Variants in CNGB1 observed in about 807,000 individuals in gnomAD.
CNGB1 encodes the protein cyclic nucleotide-gated channel beta-1.
A neutral mutation model predicts 151.7 loss-of-function variants in CNGB1; 126 were observed. The ratio of observed to expected loss-of-function variants is 0.83; its 90% CI spans 0.72 to 0.96. CNGB1 has a LOEUF of 0.96. Among genes scored for constraint, CNGB1 ranks in the 40% least tolerant of loss-of-function variants. CNGB1 has a pLI of 0.00. For missense variants in CNGB1, 1,698 were observed against 1,627.0 expected (o/e 1.04, Z -0.75); for synonymous variants, 623 against 635.1 (o/e 0.98, Z 0.29).
chr16:57,965,801 G>A (rs1285659199), intron 2 of CNGB1, among the ~76,000 whole-genome samples: 1 of 152,022 alleles, frequency 6.6e-6, no homozygotes, highest in Non-Finnish European at 1.5e-5. Context: ...TAATACATGT[G>A]CACATAAACA....
chr16:57,941,124 T>C (rs1287690202), intron 14 of CNGB1, among the ~76,000 whole-genome samples: 1 of 152,184 alleles, frequency 6.6e-6, no homozygotes, highest in African/African-American at 2.4e-5. Context: ...AATTAATATA[T>C]CTTTATTAAT....
At chr16:57,895,451 A>G (rs1960196518) in intron 31 of CNGB1, among the ~76,000 whole-genome samples, 1 of 151,820 alleles carries the variant, frequency 6.6e-6, no homozygotes, top group Admixed American at 6.6e-5. Flanking sequence ...ATTGTTTTAT[A>G]GATAATCAGT....
At chr16:57,959,525 C>T (rs1345543102) in intron 10 of CNGB1, among the ~76,000 whole-genome samples, 1 of 152,104 alleles carries the variant, frequency 6.6e-6, no homozygotes, top group African/African-American at 2.4e-5. Flanking sequence ...TCACTTGAAC[C>T]CAGGAGGCAG....
intron 23 of CNGB1, among the ~76,000 whole-genome samples, chr16:57,914,367 G>A (rs2149363322): frequency 6.6e-6 from 1 of 152,316 alleles, no homozygotes. Flanking sequence ...CCTCTTGGCA[G>A]CCAGGAAGCT....
chr16:57,951,074 C>T (rs1264774110), intron 12 of CNGB1, among the ~76,000 whole-genome samples: 2 of 152,162 alleles, frequency 1.3e-5, no homozygotes, highest in African/African-American at 2.4e-5. Context: ...CTAGAGGCTC[C>T]GCCCTCCAGG....
In CNGB1 at chr16:57,911,749, T is replaced by C. The variant is rs563271089; in HGVS notation, c.2492+4A>G. On this transcript the variant is annotated splice_donor_region_variant and intron_variant, in intron 25 of 32. Coordinates refer to ENST00000251102, the MANE Select transcript of CNGB1 (RefSeq NM_001297.5). The stretch of plus-strand genomic sequence containing the variant: ...ATGGCCCCAGGGGGAGGACTGTGGC[T>C]CACCTGTTTCCCACGCCATCGTAAA... 1 of 1,613,840 alleles carries C rather than the reference T, an allele frequency of 6.2e-7. No individual in the cohort carries two copies. Among genetic ancestry groups the C allele is most frequent in the South Asian group, 1.1e-5 (1 of 91,064 alleles).
At chr16:57,969,861 GC>G (rs1336020787) in intron 1 of CNGB1, among the ~76,000 whole-genome samples, 1 of 152,168 alleles carries the variant, frequency 6.6e-6, no homozygotes, top group Non-Finnish European at 1.5e-5. Flanking sequence ...ATGTGTTCTT[GC>G]CCCACATGAG....
At chr16:57,948,899 A>G (rs528335813) in intron 14 of CNGB1, among the ~76,000 whole-genome samples, 1 of 152,358 alleles carries the variant, frequency 6.6e-6, no homozygotes, top group Non-Finnish European at 1.5e-5. Context: ...AGCAGAATCC[A>G]GGACAGCCCT....
intron 14 of CNGB1, among the ~76,000 whole-genome samples, chr16:57,943,468 G>C (rs1314262943): frequency 6.6e-6 from 1 of 152,052 alleles, no homozygotes; most frequent in Non-Finnish European, 1.5e-5. Flanking sequence ...TCAGGAGTTC[G>C]AGACCAGCCT....
intron 21 of CNGB1, 97 bp from the exon 22 acceptor site, chr16:57,916,276 A>C: frequency 8.7e-7 from 1 of 1,143,258 alleles, no homozygotes; most frequent in Non-Finnish European, 1.3e-6. Context: ...CCCACCCTGA[A>C]ACGAGCATAA....
chr16:57,928,080 C>T (rs954115749), intron 17 of CNGB1, among the ~76,000 whole-genome samples: 2 of 152,244 alleles, frequency 1.3e-5, no homozygotes, highest in African/African-American at 4.8e-5. Flanking sequence ...ATCTCTACAT[C>T]CAACCAGTGC....
At position 57,957,389 on chromosome 16, in the gene CNGB1, G is replaced by A; in HGVS notation, c.838-12C>T. ...GGGGAGTCAGGCTCCTGCATGGAGA[G>A]AGAAAAAAGGGAAAATCCTGCCACG... is the stretch of plus-strand genomic sequence containing the variant. On this transcript the variant is annotated splice_polypyrimidine_tract_variant and intron_variant, in intron 11 of 32. Coordinates refer to ENST00000251102, the MANE Select transcript of CNGB1 (RefSeq NM_001297.5). 6.2e-7 allele frequency: 1 copy of A among 1,613,828 alleles called. No homozygotes were observed. The highest frequency in any genetic ancestry group is 2.2e-5 in the East Asian group (1 of 44,880).
intron 9 of CNGB1, 64 bp downstream of exon 9, chr16:57,960,418 T>C (rs1321804485): frequency 1.7e-5 from 26 of 1,571,646 alleles, no homozygotes; most frequent in Non-Finnish European, 2.0e-5. Context: ...CAGGGCCCAG[T>C]TGATCCCTGA....
chr16:57,931,640 G>T, intron 17 of CNGB1, 76 bp downstream of exon 17: 4 of 1,524,706 alleles, frequency 2.6e-6, no homozygotes, highest in Non-Finnish European at 2.7e-6. Flanking sequence ...TCTCCCTCTG[G>T]CCTCAGTCTC....
chr16:57,952,545 C>T (rs1014588670), intron 12 of CNGB1, among the ~76,000 whole-genome samples: 3 of 140,692 alleles, frequency 2.1e-5, no homozygotes, highest in Admixed American at 7.4e-5. Context: ...CTGTGACACC[C>T]AGGCTTGAGT....
In CNGB1 at chr16:57,911,842, G is replaced by T. The variant is rs1960723834; in HGVS notation, c.2403C>A (p.Ser801Arg). 1.9e-6 allele frequency: 3 copies of T among 1,613,890 alleles called. No homozygotes were observed. The highest frequency in any genetic ancestry group is 2.5e-6 in the Non-Finnish European group (3 of 1,179,908). The change falls in exon 25 of 33, where the codon AGC (serine) becomes AGA (arginine). Residue 801 changes from serine (S) to arginine (R), a missense_variant. Ser to Arg is a moderately radical substitution (Grantham distance 110, BLOSUM62 -1). Coordinates refer to ENST00000251102, the MANE Select transcript of CNGB1 (RefSeq NM_001297.5). The part of the protein sequence containing the change: ...VIRTTAYLLY[S>R]LHLNSCLYYW... ...AATAAAGACAGGAATTCAAATGCAG[G>T]CTGTAGAGAAGGTAGGCTGTGGTCC...
intron 12 of CNGB1, among the ~76,000 whole-genome samples, chr16:57,956,047 C>T (rs1191606505): frequency 2.6e-5 from 4 of 152,238 alleles, no homozygotes; most frequent in Non-Finnish European, 4.4e-5. Flanking sequence ...ACCCATAACC[C>T]ATATGCTCCA....
chr16:57,883,789 C>CTT lies in CNGB1; in HGVS notation c.*373_*374dup. The CTT allele has an allele frequency of 2.9e-6, 1 of 344,898 alleles. No individual in the cohort carries two copies. Among genetic ancestry groups the CTT allele is most frequent in the South Asian group, 2.8e-5 (1 of 35,936 alleles). The allele number at this position is 344,898 out of a possible 1,614,324, so 21.4% of individuals were successfully genotyped here. On this transcript the variant is annotated 3_prime_UTR_variant, in exon 33 of 33. Transcript: ENST00000251102. ...GGGAAACCCCACACATTCAATAACA[C>CTT]TTTACTTTTTCAGCAAAGCTTCCCA...
intron 14 of CNGB1, 41 bp downstream of exon 14, chr16:57,949,312 A>G: frequency 6.2e-7 from 1 of 1,603,264 alleles, no homozygotes; most frequent in Non-Finnish European, 8.5e-7. Context: ...AGCCAACCCC[A>G]GCCCCAGGGC....
Sources: allele counts gnomAD v4.1 joint callset (sites outside exome capture counted in the v4.1 genomes callset), GRCh38; gene constraint gnomAD v4.1.1; transcripts MANE v1.5; gene names NCBI Gene and HGNC (gene_info 2026-07-23, HGNC 2026-07-21).